Variants in CCDC102B observed in about 807,000 individuals in gnomAD.
CCDC102B encodes the protein coiled-coil domain-containing protein 102B.
Under a neutral mutation model 57.4 loss-of-function variants are expected in CCDC102B, and 75 were observed. The observed-to-expected ratio is 1.31, with a 90% CI of 1.08 to 1.58. The LOEUF (loss-of-function observed/expected upper bound fraction) is 1.58. Among genes scored for constraint, CCDC102B ranks in the 40% most tolerant of loss-of-function variants. The pLI is 0.00. For missense variants in CCDC102B, 636 were observed against 582.6 expected (o/e 1.09, Z -0.94); for synonymous variants, 206 against 201.9 (o/e 1.02, Z -0.17).
downstream of CCDC102B, among the ~76,000 whole-genome samples, chr18:69,057,856 T>C (rs1181770144): frequency 1.3e-5 from 2 of 152,014 alleles, no homozygotes; most frequent in African/African-American, 4.8e-5. Context: ...CCAGCTTTTC[T>C]TTTAGGTTCA....
At chr18:69,047,459 C>T (rs2052596173) in intron 7 of CCDC102B, among the ~76,000 whole-genome samples, 1 of 152,084 alleles carries the variant, frequency 6.6e-6, no homozygotes, top group South Asian at 2.1e-4. Context: ...AAGATGGAAG[C>T]ATTCCCTGTG....
At position 69,054,063 on chromosome 18, in the gene CCDC102B, C is replaced by CAG. The variant is rs749352352; in HGVS notation, c.1471_1472dup (p.Ser492GlyfsTer13). 1.9e-6 allele frequency: 3 copies of CAG among 1,606,994 alleles called. No individual in the cohort carries two copies. The highest frequency in any genetic ancestry group is 2.5e-6 in the Non-Finnish European group (3 of 1,178,028). On this transcript the variant is annotated frameshift_variant, in exon 8 of 8. Transcript: ENST00000360242. LOFTEE classifies it low-confidence loss of function (END_TRUNC). ...TTCCCTGAATCAGATCCGTAAGCTC[C>CAG]AGAGGTCTCTGGATGAAGAGAAAGA...
rs188574052 is a variant in CCDC102B, at chr18:68,958,054, G to A, written c.1264-52880G>A. 4.5e-3 allele frequency among the ~76,000 whole-genome samples: 684 copies of A among 152,216 alleles called. 3 individuals are homozygous for A. The highest frequency in any genetic ancestry group is 5.7e-3 in the Non-Finnish European group (388 of 68,012). ...AATCATGGCAGAAGGTGAAAGGCAT[G>A]TCTCACATGCCAGCAGACAAGAGAA... is the stretch of plus-strand genomic sequence containing the variant. On this transcript the variant is annotated intron_variant, in intron 6 of 7. Transcript: ENST00000360242.
At chr18:68,741,533 T>C (rs2033381533) in intron 2 of CCDC102B, among the ~76,000 whole-genome samples, 1 of 151,984 alleles carries the variant, frequency 6.6e-6, no homozygotes, top group South Asian at 2.1e-4. Flanking sequence ...GTGCTACAAA[T>C]AAGACTCAGG....
chr18:68,794,732 G>T (rs1568254037), upstream of CCDC102B, among the ~76,000 whole-genome samples: 1 of 152,146 alleles, frequency 6.6e-6, no homozygotes, highest in Non-Finnish European at 1.5e-5. Flanking sequence ...TAATGGAGGT[G>T]TGTGTGCACA....
chr18:68,992,973 C>A, intron 6 of CCDC102B: 1 of 170,948 alleles, frequency 5.8e-6, no homozygotes. Context: ...AGGTGTCACT[C>A]AGAGCTGCAT....
At chr18:69,016,149 C>T (rs992403844) in intron 7 of CCDC102B, among the ~76,000 whole-genome samples, 1 of 151,750 alleles carries the variant, frequency 6.6e-6, no homozygotes, top group African/African-American at 2.4e-5. Flanking sequence ...AGGCGTGAGC[C>T]ACCGCGCCCG....
At chr18:68,899,050 C>T (rs190600842) in intron 6 of CCDC102B, among the ~76,000 whole-genome samples, 3 of 152,090 alleles carry the variant, frequency 2.0e-5, no homozygotes, top group Admixed American at 1.3e-4. Flanking sequence ...AGGTCTAAGT[C>T]AGTGGGTATG....
chr18:68,765,341 GAA>G (rs1279125218), intron 2 of CCDC102B, among the ~76,000 whole-genome samples: 2 of 108,016 alleles, frequency 1.9e-5, no homozygotes, highest in African/African-American at 7.1e-5. Flanking sequence ...AAGAAAGAAA[GAA>G]AGAAAGAAAG....
rs544429657 is a variant in CCDC102B at position 68,827,587 on chromosome 18, C to T, written c.-15-9162C>T. Among the ~76,000 whole-genome samples, 79 of 151,796 alleles carry T rather than the reference C, an allele frequency of 5.2e-4. 2 individuals carry two copies. The South Asian group carries it at 0.01, about 20-fold the overall frequency. The stretch of plus-strand genomic sequence containing the variant: ...GAAAGCAAAAGAAGAAATGCAGGGA[C>T]GAGAAAGAGAGGACACAAAGAAAAC... On this transcript the variant is annotated intron_variant, in intron 1 of 7. Transcript: ENST00000360242.
chr18:69,020,809 C>A (rs2051811387), intron 7 of CCDC102B, among the ~76,000 whole-genome samples: 1 of 151,868 alleles, frequency 6.6e-6, no homozygotes, highest in Non-Finnish European at 1.5e-5. Context: ...GACTTGCTAC[C>A]AAAAAGAGGT....
intron 2 of CCDC102B, among the ~76,000 whole-genome samples, chr18:68,725,537 A>G (rs1213140154): frequency 1.3e-5 from 2 of 152,106 alleles, no homozygotes; most frequent in Non-Finnish European, 2.9e-5. Flanking sequence ...TTCCTTGACA[A>G]CTTCTGTCTG....
chr18:69,011,292 G>A lies in CCDC102B; in HGVS notation c.1434+188G>A, dbSNP rs144821449. The A allele has an allele frequency of 3.0e-3, 1,727 of 581,154 alleles. 44 individuals carry two copies. In the East Asian group the frequency reaches 0.043, roughly 15 times the overall value. The allele number at this position is 581,154 out of a possible 1,614,324, so 36.0% of individuals were successfully genotyped here. On this transcript the variant is annotated intron_variant, in intron 7 of 7. Coordinates refer to ENST00000360242, the MANE Select transcript of CCDC102B (RefSeq NM_024781.3). ...CAGACAATGTGCACATGTTTGTGGC[G>A]GTAATAGTATATGTTTTACGAGTGC...
intron 7 of CCDC102B, among the ~76,000 whole-genome samples, chr18:69,039,169 A>G (rs1326970094): frequency 6.6e-6 from 1 of 151,976 alleles, no homozygotes; most frequent in East Asian, 1.9e-4. Flanking sequence ...AAAGCTATCT[A>G]GAGTATTCCA....
intron 2 of CCDC102B, among the ~76,000 whole-genome samples, chr18:68,746,247 C>T (rs2033616223): frequency 6.6e-6 from 1 of 152,138 alleles, no homozygotes; most frequent in Non-Finnish European, 1.5e-5. Context: ...AATTTCTGGG[C>T]ACTTAGAGTT....
intron 2 of CCDC102B, among the ~76,000 whole-genome samples, chr18:68,740,618 A>C (rs2033338142): frequency 6.6e-6 from 1 of 152,120 alleles, no homozygotes; most frequent in Admixed American, 6.5e-5. Context: ...AGTGGTGAGG[A>C]GGTGAGGACC....
At position 68,749,649 on chromosome 18, in the gene CCDC102B, T is replaced by C. The variant is rs192653237; in HGVS notation, c.-67+33055T>C. ...TTTGTATCCTGAGACTTTGCTGAAGTTGCTTACCACCTTAAGGGGGTTTTG... is the reference window on the plus strand; with the variant it reads ...TTTGTATCCTGAGACTTTGCTGAAGCTGCTTACCACCTTAAGGGGGTTTTG... On this transcript the variant is annotated intron_variant, in intron 2 of 3. Transcript: ENST00000578970. 8.8e-3 allele frequency among the ~76,000 whole-genome samples: 1,346 copies of C among 152,300 alleles called. 19 individuals carry two copies. Among genetic ancestry groups the C allele is most frequent in the African/African-American group, 0.031 (1,288 of 41,566 alleles).
chr18:68,754,441 G>T (rs952214607), intron 2 of CCDC102B: 2 of 152,118 alleles, frequency 1.3e-5, no homozygotes, highest in African/African-American at 4.8e-5. Flanking sequence ...GACAGTAGTG[G>T]TGGCTGAACA....
intron 1 of CCDC102B, among the ~76,000 whole-genome samples, chr18:68,830,347 T>C (rs116887816): frequency 0.02 from 3,034 of 152,056 alleles, 29 homozygotes; most frequent in Middle Eastern, 0.034. Context: ...CACATTCTTA[T>C]ACAAAAATAA....
Sources: allele counts gnomAD v4.1 joint callset (sites outside exome capture counted in the v4.1 genomes callset), GRCh38; gene constraint gnomAD v4.1.1; transcripts MANE v1.5; gene names NCBI Gene and HGNC (gene_info 2026-07-23, HGNC 2026-07-21).